ADAM22: variants seen among roughly 807,000 people sequenced by gnomAD.
ADAM22 encodes disintegrin and metalloproteinase domain-containing protein 22.
ADAM22 carries 65 observed loss-of-function variants against 144.6 expected under a neutral mutation model. The observed-to-expected ratio is 0.45, with a 90% CI of 0.37 to 0.55. ADAM22 has a LOEUF of 0.55. ADAM22 is among the 20% of genes least tolerant of loss of function. The probability of loss-of-function intolerance (pLI) is 0.00; values close to 1 mark genes in which losing one functional copy is unlikely to be tolerated. For missense variants in ADAM22, 974 were observed against 1,184.9 expected, an observed-to-expected ratio of 0.82 and a Z score of 2.61; for synonymous variants, 391 against 412.6, an observed-to-expected ratio of 0.95 and a Z score of 0.63.
intron 23 of ADAM22, 45 bp from the exon 24 acceptor site, chr7:88,165,787 G>C: frequency 7.3e-7 from 1 of 1,362,476 alleles, no homozygotes; most frequent in Non-Finnish European, 1.0e-6. Flanking sequence ...TCATGCTTCT[G>C]TACCAGAGAG....
At chr7:87,946,858 G>T (rs111941921) in intron 2 of ADAM22, among the ~76,000 whole-genome samples, 3,475 of 152,256 alleles carry the variant, frequency 0.023, 132 homozygotes, top group African/African-American at 0.079. Flanking sequence ...ATATACCATG[G>T]AATACTATGC....
chr7:88,088,860 T>A (rs1028818272), intron 4 of ADAM22, among the ~76,000 whole-genome samples: 4 of 152,270 alleles, frequency 2.6e-5, no homozygotes, highest in Non-Finnish European at 5.9e-5. Flanking sequence ...GGACTCCTTT[T>A]GTAAGTGAAA....
intron 3 of ADAM22, among the ~76,000 whole-genome samples, chr7:88,016,330 G>A (rs1051823057): frequency 3.9e-5 from 6 of 152,178 alleles, no homozygotes; most frequent in East Asian, 3.9e-4. Context: ...TACCAATGAC[G>A]TTAGTACAAA....
At chr7:88,020,399 A>G (rs960673956) in intron 3 of ADAM22, among the ~76,000 whole-genome samples, 3 of 152,194 alleles carry the variant, frequency 2.0e-5, no homozygotes, top group Non-Finnish European at 4.4e-5. Context: ...GGCTGGTGCC[A>G]CAATCATGTG....
intron 4 of ADAM22, among the ~76,000 whole-genome samples, chr7:88,090,722 A>G (rs1819630048): frequency 6.6e-6 from 1 of 152,146 alleles, no homozygotes; most frequent in Admixed American, 6.6e-5. Flanking sequence ...TTCCATAAGT[A>G]GGGTTCACCA....
intron 2 of ADAM22, among the ~76,000 whole-genome samples, chr7:87,944,924 T>C (rs774318534): frequency 5.2e-5 from 7 of 135,180 alleles, no homozygotes; most frequent in African/African-American, 1.4e-4. Flanking sequence ...CTTCCTATTC[T>C]ATATGTGTGT....
intron 14 of ADAM22, among the ~76,000 whole-genome samples, chr7:88,137,797 C>T (rs527641487): frequency 3.3e-5 from 5 of 152,046 alleles, no homozygotes; most frequent in South Asian, 4.2e-4. Flanking sequence ...ATTTTGAACT[C>T]GCAGGATATG....
At chr7:87,970,701 G>T (rs1441269196) in intron 2 of ADAM22, among the ~76,000 whole-genome samples, 1 of 152,170 alleles carries the variant, frequency 6.6e-6, no homozygotes, top group Non-Finnish European at 1.5e-5. Flanking sequence ...AGGACAGGCT[G>T]CCACAAAGCA....
chr7:88,103,633 G>A (rs1328473824), intron 4 of ADAM22, among the ~76,000 whole-genome samples: 1 of 152,096 alleles, frequency 6.6e-6, no homozygotes, highest in East Asian at 1.9e-4. Context: ...TGGAACAAAA[G>A]AGACAATAAG....
Position 88,128,587 on chromosome 7 carries a change from T to C in ADAM22, c.679-15T>C. 1 of 1,605,518 alleles carries C rather than the reference T, an allele frequency of 6.2e-7. No homozygotes were observed. Among genetic ancestry groups the C allele is most frequent in the Non-Finnish European group, 8.5e-7 (1 of 1,172,632 alleles). ...GAGGGCTGAATTAGGTGCTGTTTCC[T>C]TTCCTGTGTTACAGCTTCGTCGATA... On this transcript the variant is annotated splice_polypyrimidine_tract_variant and intron_variant, in intron 8 of 31. Transcript: ENST00000413139.
At chr7:88,162,420 C>T (rs556032523) in intron 22 of ADAM22, among the ~76,000 whole-genome samples, 9 of 151,986 alleles carry the variant, frequency 5.9e-5, no homozygotes, top group South Asian at 2.1e-4. Flanking sequence ...ATATTCTGCA[C>T]GACAAACCCT....
intron 4 of ADAM22, among the ~76,000 whole-genome samples, chr7:88,084,013 T>C (rs904168516): frequency 2.0e-5 from 3 of 152,148 alleles, no homozygotes; most frequent in Non-Finnish European, 2.9e-5. Context: ...GTTTTTCTGA[T>C]GTAGAGTATC....
Position 88,125,675 on chromosome 7 carries a change from G to A in ADAM22, c.678+16G>A. 1 of 1,556,894 alleles carries A rather than the reference G, an allele frequency of 6.4e-7. No individual in the cohort carries two copies. Among genetic ancestry groups the A allele is most frequent in the Non-Finnish European group, 8.7e-7 (1 of 1,155,070 alleles). On this transcript the variant is annotated intron_variant, in intron 8 of 31. Coordinates refer to ENST00000413139, the MANE Select transcript of ADAM22 (RefSeq NM_001324418.2). Reference sequence around the variant, plus strand: ...TAAACGGCAGGTATGTATTCACAGTGGTGTGTCGTGTTATTTTAAAACAAT... The same window carrying A: ...TAAACGGCAGGTATGTATTCACAGTAGTGTGTCGTGTTATTTTAAAACAAT...
intron 5 of ADAM22, among the ~76,000 whole-genome samples, chr7:88,112,757 G>C (rs1367720848): frequency 6.6e-6 from 1 of 152,158 alleles, no homozygotes; most frequent in Non-Finnish European, 1.5e-5. Flanking sequence ...ACCCAGGCTG[G>C]AGTACAGTGG....
intron 3 of ADAM22, among the ~76,000 whole-genome samples, chr7:88,022,728 G>A (rs1422210215): frequency 6.6e-6 from 1 of 151,978 alleles, no homozygotes; most frequent in South Asian, 2.1e-4. Flanking sequence ...CTTTTACATA[G>A]GATGATTTTA....
chr7:88,024,734 A>G (rs1282615329), intron 3 of ADAM22, among the ~76,000 whole-genome samples: 4 of 120,546 alleles, frequency 3.3e-5, no homozygotes, highest in African/African-American at 9.5e-5. Flanking sequence ...CCAGTGCATG[A>G]TGTTCCCCTT....
At chr7:88,103,852 G>C (rs1026619665) in intron 4 of ADAM22, among the ~76,000 whole-genome samples, 3 of 152,272 alleles carry the variant, frequency 2.0e-5, no homozygotes, top group African/African-American at 7.2e-5. Context: ...TGGTTTGTTA[G>C]TGGTCTTTAC....
At chr7:87,944,816 G>GTTTTTTTTTTTTTTTTTTTTTT (rs11311070) in intron 2 of ADAM22, among the ~76,000 whole-genome samples, 5 of 127,028 alleles carry the variant, frequency 3.9e-5, no homozygotes, top group South Asian at 2.5e-4. Flanking sequence ...GGAAACTTGT[G>GTTTTTTTTTTTTTTTTTTTTTT]TTTTTTTTTT....
rs560419993 is a variant in ADAM22 at position 87,973,531 on chromosome 7, G to A, written c.247-4805G>A. Among the ~76,000 whole-genome samples, 15 of 152,068 alleles carry A rather than the reference G, an allele frequency of 9.9e-5. No homozygotes were observed. The South Asian group carries it at 1.2e-3, about 13-fold the overall frequency. The stretch of plus-strand genomic sequence containing the variant: ...CAACCATTGTGGAAGTCAGTGTGGC[G>A]ATTCCTCAGGGATCTAGAACTAGAA... On this transcript the variant is annotated intron_variant, in intron 2 of 31. Coordinates refer to ENST00000413139, the MANE Select transcript of ADAM22 (RefSeq NM_001324418.2).
Sources: gnomAD v4.1 joint callset for allele counts (sites outside exome capture counted in the v4.1 genomes callset) on GRCh38, gnomAD v4.1.1 for gene constraint, MANE v1.5 for transcripts, NCBI Gene and HGNC (gene_info 2026-07-23, HGNC 2026-07-21) for gene names.